Variants in DOCK4 observed in about 807,000 individuals in gnomAD.
The protein encoded by DOCK4 is dedicator of cytokinesis protein 4.
A neutral mutation model predicts 268.1 loss-of-function variants in DOCK4; 97 were observed. The observed-to-expected ratio is 0.36, with a 90% CI of 0.31 to 0.43. The LOEUF (loss-of-function observed/expected upper bound fraction) is 0.43. DOCK4 is among the 20% of genes least tolerant of loss of function. The probability of loss-of-function intolerance (pLI) is 1.00; values close to 1 mark genes in which losing one functional copy is unlikely to be tolerated. For missense variants in DOCK4, 2,145 were observed against 2,455.7 expected, an observed-to-expected ratio of 0.87 and a Z score of 2.67; for synonymous variants, 954 against 887.2, an observed-to-expected ratio of 1.08 and a Z score of -1.34.
chr7:112,049,060 C>A (rs756900011), intron 1 of DOCK4, among the ~76,000 whole-genome samples: 3 of 152,114 alleles, frequency 2.0e-5, no homozygotes, highest in Non-Finnish European at 4.4e-5. Flanking sequence ...GCCCTTCAGG[C>A]AGATGGAAAT....
At chr7:111,749,663 T>C (rs1796502245) in intron 42 of DOCK4, among the ~76,000 whole-genome samples, 1 of 152,176 alleles carries the variant, frequency 6.6e-6, no homozygotes, top group South Asian at 2.1e-4. Flanking sequence ...ATGTTAATAT[T>C]TGCCAAATAC....
intron 23 of DOCK4, among the ~76,000 whole-genome samples, chr7:111,848,193 T>C (rs912036213): frequency 1.3e-5 from 2 of 152,234 alleles, no homozygotes; most frequent in East Asian, 3.8e-4. Flanking sequence ...TTCTAGGATG[T>C]TTCCCCTCTT....
At chr7:111,750,665 AG>A (rs1796572552) in intron 42 of DOCK4, among the ~76,000 whole-genome samples, 1 of 152,170 alleles carries the variant, frequency 6.6e-6, no homozygotes, top group African/African-American at 2.4e-5. Flanking sequence ...TGAAATTACT[AG>A]TAAAGCTTGA....
chr7:111,932,941 G>C (rs921600607), intron 12 of DOCK4, among the ~76,000 whole-genome samples: 1 of 151,748 alleles, frequency 6.6e-6, no homozygotes. Context: ...GATTTGGCTG[G>C]AAGTCTACCA....
At chr7:111,732,103 T>C in intron 52 of DOCK4, 123 bp downstream of exon 52, 1 of 977,464 alleles carries the variant, frequency 1.0e-6, no homozygotes, top group Admixed American at 2.5e-5. Context: ...CCCCTATCCC[T>C]GATTGATAAG....
At chr7:112,072,510 A>T (rs1807686558) in intron 1 of DOCK4, among the ~76,000 whole-genome samples, 1 of 152,170 alleles carries the variant, frequency 6.6e-6, no homozygotes, top group Admixed American at 6.5e-5. Context: ...AACAGTACAG[A>T]GATTTCTCCA....
chr7:112,117,277 T>G (rs1427169859), intron 1 of DOCK4, among the ~76,000 whole-genome samples: 1 of 152,254 alleles, frequency 6.6e-6, no homozygotes, highest in Admixed American at 6.5e-5. Context: ...AGTCAAAATG[T>G]CATATTTATC....
chr7:111,887,435 A>G (rs977212982), intron 16 of DOCK4, among the ~76,000 whole-genome samples: 2 of 152,206 alleles, frequency 1.3e-5, no homozygotes, highest in East Asian at 3.9e-4. Flanking sequence ...GGTAACATCA[A>G]CATTTAAGGT....
intron 1 of DOCK4, among the ~76,000 whole-genome samples, chr7:112,039,377 G>C (rs976712791): frequency 2.3e-4 from 33 of 143,966 alleles, no homozygotes; most frequent in East Asian, 6.8e-4. Flanking sequence ...TTCATATGGG[G>C]GGGGGGGCTT....
At chr7:112,114,210 G>C (rs554794505) in intron 1 of DOCK4, among the ~76,000 whole-genome samples, 1 of 152,016 alleles carries the variant, frequency 6.6e-6, no homozygotes, top group Non-Finnish European at 1.5e-5. Flanking sequence ...TTCATGACAC[G>C]GTCATTCCCC....
chr7:111,827,441 C>T (rs1208881820), intron 26 of DOCK4, among the ~76,000 whole-genome samples: 1 of 152,096 alleles, frequency 6.6e-6, no homozygotes, highest in South Asian at 2.1e-4. Context: ...GGTCTCGACT[C>T]TCAATGGCCC....
At chr7:112,082,368 A>C (rs1173614879) in intron 1 of DOCK4, among the ~76,000 whole-genome samples, 2 of 152,078 alleles carry the variant, frequency 1.3e-5, no homozygotes, top group Non-Finnish European at 2.9e-5. Context: ...GCCAGGTAGG[A>C]AGTTGGTAAT....
chr7:111,806,014 T>C (rs1287932760), intron 30 of DOCK4, among the ~76,000 whole-genome samples: 1 of 152,240 alleles, frequency 6.6e-6, no homozygotes, highest in Non-Finnish European at 1.5e-5. Flanking sequence ...GACAAAATTT[T>C]AAAATATAAG....
At chr7:111,944,295 TCTCAGACC>T (rs1298345839) in intron 10 of DOCK4, among the ~76,000 whole-genome samples, 2 of 152,208 alleles carry the variant, frequency 1.3e-5, no homozygotes, top group Non-Finnish European at 2.9e-5. Context: ...CTTTAGGACT[TCTCAGACC>T]CTTTAATAAG....
At chr7:111,797,177 G>T (rs772876100) in intron 30 of DOCK4, among the ~76,000 whole-genome samples, 6 of 152,118 alleles carry the variant, frequency 3.9e-5, no homozygotes, top group Non-Finnish European at 8.8e-5. Context: ...CAAGGACAGG[G>T]CATTTTTACC....
intron 1 of DOCK4, among the ~76,000 whole-genome samples, chr7:112,135,138 T>C (rs1473582268): frequency 6.6e-6 from 1 of 152,178 alleles, no homozygotes; most frequent in Non-Finnish European, 1.5e-5. Context: ...AACTGAGACA[T>C]AATTATCTGA....
intron 1 of DOCK4, among the ~76,000 whole-genome samples, chr7:112,187,651 A>C (rs1393996018): frequency 6.6e-6 from 1 of 152,208 alleles, no homozygotes; most frequent in Admixed American, 6.5e-5. Context: ...GTGGAAAATA[A>C]GAATGTCATG....
intron 42 of DOCK4, among the ~76,000 whole-genome samples, chr7:111,747,902 GA>G (rs1796376990): frequency 1.3e-5 from 2 of 152,104 alleles, no homozygotes. Context: ...GCCCAGTTGG[GA>G]AGATGGGACA....
chr7:112,117,774 A>AT (rs891712068), intron 1 of DOCK4, among the ~76,000 whole-genome samples: 1 of 152,132 alleles, frequency 6.6e-6, no homozygotes, highest in Non-Finnish European at 1.5e-5. Flanking sequence ...TGGCATGGTG[A>AT]TTTTTTAGGA....
Sources: allele counts gnomAD v4.1 joint callset (sites outside exome capture counted in the v4.1 genomes callset), GRCh38; gene constraint gnomAD v4.1.1; transcripts MANE v1.5; gene names NCBI Gene and HGNC (gene_info 2026-07-23, HGNC 2026-07-21).